COMMD9: variants seen among roughly 807,000 people sequenced by gnomAD.
COMMD9 encodes the protein COMM domain containing 9.
Under a neutral mutation model 23.4 loss-of-function variants are expected in COMMD9, and 22 were observed. The ratio of observed to expected loss-of-function variants is 0.94; its 90% confidence interval spans 0.67 to 1.34. The LOEUF is 1.34. COMMD9 is among the 40% of genes most tolerant of loss of function. The probability of loss-of-function intolerance (pLI) is 0.00; values close to 1 mark genes in which losing one functional copy is unlikely to be tolerated. For synonymous variants in COMMD9, 99 were observed against 97.4 expected (o/e 1.02, Z -0.10); for missense variants, 231 against 240.2 (o/e 0.96, Z 0.25).
chr11:36,282,695 A>G (rs563769832), intron 1 of COMMD9, among the ~76,000 whole-genome samples: 48 of 152,336 alleles, frequency 3.2e-4, no homozygotes, highest in Non-Finnish European at 5.1e-4. Context: ...GAAACCATGG[A>G]ACACCAGTGT....
At chr11:36,287,962 C>G (rs535339948) in intron 1 of COMMD9, among the ~76,000 whole-genome samples, 1 of 152,156 alleles carries the variant, frequency 6.6e-6, no homozygotes, top group South Asian at 2.1e-4. Context: ...ATACTACACA[C>G]TAATCTTTTA....
At chr11:36,281,652 C>A (rs1279428722) in intron 1 of COMMD9, among the ~76,000 whole-genome samples, 1 of 152,192 alleles carries the variant, frequency 6.6e-6, no homozygotes, top group Non-Finnish European at 1.5e-5. Context: ...GTGGCACCCC[C>A]TTCCCCTGCC....
chr11:36,279,609 G>A (rs1856032425), intron 2 of COMMD9, among the ~76,000 whole-genome samples: 2 of 152,196 alleles, frequency 1.3e-5, no homozygotes, highest in South Asian at 4.1e-4. Flanking sequence ...GTTTTCCATA[G>A]CAGTAATTGC....
Position 36,272,347 on chromosome 11 carries a change from G to A in COMMD9, c.*2285C>T, listed in dbSNP as rs190950394. ...CAGTTATTTATCAAATGCCCTCTGC[G>A]TCATGTACCCAGATGGCTCTATTCG... is the stretch of plus-strand genomic sequence containing the variant. On this transcript the variant is annotated 3_prime_UTR_variant, in exon 6 of 6. Transcript: ENST00000263401. 12 of 158,958 alleles carry A rather than the reference G, an allele frequency of 7.5e-5. No individual in the cohort carries two copies. The highest frequency in any genetic ancestry group is 1.9e-4 in the South Asian group (1 of 5,220). 9.8% of individuals were successfully genotyped at this position (158,958 alleles called of 1,614,324 possible). A position where few individuals can be genotyped will look rare whatever the true frequency, so the allele number is the denominator to read the frequency against.
At chr11:36,275,584 T>C (rs1398749398) in intron 5 of COMMD9, among the ~76,000 whole-genome samples, 2 of 151,944 alleles carry the variant, frequency 1.3e-5, no homozygotes, top group East Asian at 1.9e-4. Context: ...GCTGGGACTA[T>C]AGGAGCCCGC....
chr11:36,278,474 T>G lies in COMMD9; in HGVS notation c.317+3A>C, dbSNP rs1856011163. The G allele has an allele frequency of 1.9e-6, 3 of 1,612,288 alleles. No homozygotes were observed. In the South Asian group the frequency reaches 3.3e-5, roughly 18 times the overall value. On this transcript the variant is annotated splice_donor_region_variant and intron_variant, in intron 3 of 5. Transcript: ENST00000263401. ...AAGGGACTTTCAAGAAATGAGCACT[T>G]ACACATGTTCTAGGATGATCTTTGT...
chr11:36,276,461 G>A (rs771052574), intron 4 of COMMD9: 71 of 480,160 alleles, frequency 1.5e-4, no homozygotes, highest in Middle Eastern at 5.4e-4. Context: ...CAGTGGCAGC[G>A]TATCCAGGCT....
rs1443922139 is a variant in COMMD9 at position 36,287,627 on chromosome 11, AAAG to A, written c.51+1732_51+1734del. ...GTCTAAGTATTTTTTTAAAAAAAGA[AAAG>A]AAAGTACACAGGACAGTAGCAATGA... is the stretch of plus-strand genomic sequence containing the variant. On this transcript the variant is annotated intron_variant, in intron 1 of 5. Transcript: ENST00000263401. 1.3e-5 allele frequency among the ~76,000 whole-genome samples: 2 copies of A among 152,060 alleles called. 1 individual carries two copies. Among genetic ancestry groups the A allele is most frequent in the East Asian group, 3.8e-4 (2 of 5,200 alleles).
chr11:36,273,972 C>T lies in COMMD9; in HGVS notation c.*660G>A, dbSNP rs1424963375. On this transcript the variant is annotated 3_prime_UTR_variant, in exon 6 of 6. Coordinates refer to ENST00000263401, the MANE Select transcript of COMMD9 (RefSeq NM_014186.4). Reference sequence around the variant, plus strand: ...TACAAAAATCATGGAAGTTTTAGAACTGTTGTTTAGTTCCAATTATTCCCA... The same window carrying T: ...TACAAAAATCATGGAAGTTTTAGAATTGTTGTTTAGTTCCAATTATTCCCA... 5.2e-6 allele frequency: 1 copy of T among 193,972 alleles called. No individual in the cohort carries two copies. The allele number at this position is 193,972 out of a possible 1,614,324, so 12.0% of individuals were successfully genotyped here.
At chr11:36,277,511 G>C (rs1400823428) in intron 3 of COMMD9, among the ~76,000 whole-genome samples, 1 of 152,140 alleles carries the variant, frequency 6.6e-6, no homozygotes, top group Non-Finnish European at 1.5e-5. Flanking sequence ...CATCCAAACA[G>C]ACCTGACTAA....
Position 36,274,562 on chromosome 11 carries a change from C to G in COMMD9, c.*70G>C. 1 of 1,588,258 alleles carries G rather than the reference C, an allele frequency of 6.3e-7. No homozygotes were observed. The highest frequency in any genetic ancestry group is 8.6e-7 in the Non-Finnish European group (1 of 1,161,816). On this transcript the variant is annotated 3_prime_UTR_variant, in exon 6 of 6. Coordinates refer to ENST00000263401, the MANE Select transcript of COMMD9 (RefSeq NM_014186.4). ...TGTCAGCTGCAGCTGCAAGGGCAGC[C>G]TGCATATGGGGAGACATTTATCACT...
At chr11:36,274,877 G>C in intron 5 of COMMD9, 105 bp from the exon 6 acceptor site, 1 of 1,376,272 alleles carries the variant, frequency 7.3e-7, no homozygotes, top group Non-Finnish European at 1.0e-6. Context: ...CTGAACCTCT[G>C]AAGAGAGGCT....
chr11:36,274,752 T>C lies in COMMD9; in HGVS notation c.477A>G (p.Leu159=), dbSNP rs754650005. 1.7e-5 allele frequency: 28 copies of C among 1,614,158 alleles called. No homozygotes were observed. Among genetic ancestry groups the C allele is most frequent in the South Asian group, 5.5e-5 (5 of 91,092 alleles). The stretch of plus-strand genomic sequence containing the variant: ...CTGAGATGGAGGGTTTGTCTCCGCA[T>C]AGGCTGGGATCTTCTTGGATCTGAA... ...LQMKIQEDPS[L]CGDKPSISAV... is the part of the protein sequence containing the mutation. Residue 159 remains leucine (L), a synonymous_variant, in exon 6 of 6, where the codon CTA becomes CTG. Coordinates refer to ENST00000263401, the MANE Select transcript of COMMD9 (RefSeq NM_014186.4).
At chr11:36,285,241 T>A (rs1565357482) in intron 1 of COMMD9, among the ~76,000 whole-genome samples, 2 of 152,172 alleles carry the variant, frequency 1.3e-5, no homozygotes, top group African/African-American at 2.4e-5. Flanking sequence ...TCTATAAACA[T>A]AAATTTGATA....
intron 1 of COMMD9, among the ~76,000 whole-genome samples, chr11:36,288,411 A>G (rs1002471360): frequency 6.6e-6 from 1 of 151,956 alleles, no homozygotes; most frequent in Admixed American, 6.6e-5. Flanking sequence ...GATGGATCTT[A>G]CATTCTTATG....
intron 1 of COMMD9, among the ~76,000 whole-genome samples, chr11:36,286,264 T>G (rs548761339): frequency 4.8e-4 from 73 of 151,906 alleles, no homozygotes; most frequent in Admixed American, 7.2e-4. Context: ...AAATTAAAAA[T>G]ACGGGCTGGG....
At chr11:36,278,011 T>A (rs1054982086) in intron 3 of COMMD9, among the ~76,000 whole-genome samples, 1 of 152,210 alleles carries the variant, frequency 6.6e-6, no homozygotes, top group Non-Finnish European at 1.5e-5. Flanking sequence ...AGGAGCAAAG[T>A]TTTCATTGTA....
chr11:36,287,016 C>T (rs1277122453), intron 1 of COMMD9, among the ~76,000 whole-genome samples: 1 of 151,634 alleles, frequency 6.6e-6, no homozygotes, highest in Non-Finnish European at 1.5e-5. Context: ...TTCCCCTATG[C>T]AGAACCATAC....
chr11:36,278,154 G>A (rs10836525), intron 3 of COMMD9: 1 of 227,220 alleles, frequency 4.4e-6, no homozygotes, highest in Non-Finnish European at 8.5e-6. Context: ...AAACATTGAC[G>A]TGAAATTTCA....
Sources: gnomAD v4.1 joint callset for allele counts (sites outside exome capture counted in the v4.1 genomes callset) on GRCh38, gnomAD v4.1.1 for gene constraint, MANE v1.5 for transcripts, NCBI Gene and HGNC (gene_info 2026-07-23, HGNC 2026-07-21) for gene names.